The following NRIP1 variants were observed in gnomAD, a reference collection of about 807,000 sequenced individuals.
NRIP1 encodes nuclear receptor-interacting protein 1.
A neutral mutation model predicts 75.0 loss-of-function variants in NRIP1; 28 were observed. The observed-to-expected ratio is 0.37, with a 90% CI of 0.28 to 0.51. NRIP1 has a LOEUF of 0.51. Ranked by LOEUF, NRIP1 falls within the 20% of genes least tolerant of loss-of-function variation. NRIP1 has a pLI of 0.92. For missense variants in NRIP1, 1,435 were observed against 1,343.7 expected (o/e 1.07, Z -1.06); for synonymous variants, 526 against 487.6 (o/e 1.08, Z -1.04).
At chr21:15,013,711 G>T (rs772942602) in intron 3 of NRIP1, among the ~76,000 whole-genome samples, 1 of 152,130 alleles carries the variant, frequency 6.6e-6, no homozygotes, top group Non-Finnish European at 1.5e-5. Flanking sequence ...CTTGCTCATC[G>T]TCTTTTTTGT....
chr21:15,010,212 C>T (rs1474378281), intron 3 of NRIP1, among the ~76,000 whole-genome samples: 1 of 152,070 alleles, frequency 6.6e-6, no homozygotes, highest in African/African-American at 2.4e-5. Flanking sequence ...AAACCACAGG[C>T]CACATGGTTG....
chr21:15,017,660 G>A (rs1414127528), intron 2 of NRIP1, among the ~76,000 whole-genome samples: 3 of 152,098 alleles, frequency 2.0e-5, no homozygotes, highest in African/African-American at 4.8e-5. Context: ...CCAGTATTTT[G>A]GAAAAAGACA....
chr21:15,061,930 C>T (rs2089431799), intron 1 of NRIP1, among the ~76,000 whole-genome samples: 1 of 152,188 alleles, frequency 6.6e-6, no homozygotes, highest in African/African-American at 2.4e-5. Context: ...CTTATTTGTT[C>T]CATTAGATTG....
intron 3 of NRIP1, among the ~76,000 whole-genome samples, chr21:14,991,954 CT>C (rs1035387559): frequency 2.0e-5 from 3 of 152,014 alleles, no homozygotes; most frequent in Admixed American, 6.6e-5. Flanking sequence ...TTCCTTTCAT[CT>C]TTTTTTTCCT....
At chr21:15,034,242 C>G (rs2088779114) in intron 2 of NRIP1, among the ~76,000 whole-genome samples, 1 of 152,192 alleles carries the variant, frequency 6.6e-6, no homozygotes, top group African/African-American at 2.4e-5. Context: ...AGAACTGGCA[C>G]TGAGCCTTTT....
Position 15,022,950 on chromosome 21 carries a change from G to A in NRIP1, c.-457-8484C>T, listed in dbSNP as rs187439055. On this transcript the variant is annotated intron_variant, in intron 2 of 3. Transcript: ENST00000318948. ...CTACAACATAGTCAAACTTTATTAC[G>A]CTCAGTGAAAGAAGCCAATCACTAA... Among the ~76,000 whole-genome samples the A allele has an allele frequency of 1.3e-3, 205 of 152,260 alleles. 1 individual carries two copies. Among genetic ancestry groups the A allele is most frequent in the African/African-American group, 4.7e-3 (196 of 41,540 alleles).
At chr21:14,972,385 G>C (rs1316301363) in intron 3 of NRIP1, among the ~76,000 whole-genome samples, 2 of 152,100 alleles carry the variant, frequency 1.3e-5, no homozygotes, top group Non-Finnish European at 2.9e-5. Flanking sequence ...AGCTTGTTGG[G>C]ACCTATGGAT....
At position 14,967,143 on chromosome 21, in the gene NRIP1, C is replaced by G; in HGVS notation, c.1050G>C (p.Met350Ile). ...KSSATVFQNP[M>I]GIIPSSPKNA... The stretch of plus-strand genomic sequence containing the variant: ...TTTTAGGGGAAGAAGGAATGATACC[C>G]ATTGGATTTTGAAACACTGTAGCAC... The change falls in exon 4 of 4, where the codon ATG (methionine) becomes ATC (isoleucine). Residue 350 changes from methionine (M) to isoleucine (I), a missense_variant. Coordinates refer to ENST00000318948, the MANE Select transcript of NRIP1 (RefSeq NM_003489.4). 2 of 1,614,050 alleles carry G rather than the reference C, an allele frequency of 1.2e-6. No individual in the cohort carries two copies. The highest frequency in any genetic ancestry group is 2.2e-5 in the East Asian group (1 of 44,872).
intron 1 of NRIP1, 133 bp downstream of exon 1, chr21:15,064,612 G>C (rs915543496): frequency 6.6e-6 from 1 of 151,824 alleles, no homozygotes; most frequent in Non-Finnish European, 1.5e-5. Flanking sequence ...CCGGAAACGC[G>C]CCCTCCCCGC....
rs1219241938 is a variant in NRIP1 at position 14,967,631 on chromosome 21, A to C, written c.562T>G (p.Leu188Val). The change falls in exon 4 of 4, where the codon TTG becomes GTG. Residue 188 changes from leucine (L) to valine (V), a missense_variant. By Grantham distance (32) the Leu-to-Val change is conservative. Transcript: ENST00000318948. ...TCTTTAACTTTACTTTTCTTCAACA[A>C]AGTTTTTAAGTGACTTGATGCAACA... ...YGVASSHLKT[L>V]LKKSKVKDQK... 3 of 1,613,608 alleles carry C rather than the reference A, an allele frequency of 1.9e-6. No homozygotes were observed. The highest frequency in any genetic ancestry group is 1.7e-6 in the Non-Finnish European group (2 of 1,179,912).
chr21:14,977,914 C>A (rs1248951808), intron 3 of NRIP1, among the ~76,000 whole-genome samples: 1 of 152,222 alleles, frequency 6.6e-6, no homozygotes. Flanking sequence ...TTCTTGCTCT[C>A]TCCCAGGGGT....
At chr21:15,057,433 C>T (rs1228993629) in intron 1 of NRIP1, among the ~76,000 whole-genome samples, 2 of 152,200 alleles carry the variant, frequency 1.3e-5, no homozygotes, top group African/African-American at 2.4e-5. Flanking sequence ...AGAGCCTGTG[C>T]GGCAGCCCTT....
At chr21:15,030,652 C>T (rs2088622401) in intron 2 of NRIP1, among the ~76,000 whole-genome samples, 1 of 152,136 alleles carries the variant, frequency 6.6e-6, no homozygotes, top group South Asian at 2.1e-4. Flanking sequence ...CCAATGACTA[C>T]ATATTTAACA....
In NRIP1 at chr21:14,967,520, T is replaced by G; in HGVS notation, c.673A>C (p.Ser225Arg). 6.2e-7 allele frequency: 1 copy of G among 1,614,180 alleles called. No individual in the cohort carries two copies. Among genetic ancestry groups the G allele is most frequent in the Non-Finnish European group, 8.5e-7 (1 of 1,180,020 alleles). Residue 225 changes from serine to arginine, a missense_variant, in exon 4 of 4, where the codon AGT becomes CGT. Physicochemically the swap from Ser to Arg is moderately radical, Grantham distance 110 (BLOSUM62 -1). Coordinates refer to ENST00000318948, the MANE Select transcript of NRIP1 (RefSeq NM_003489.4). ...GGTTCACTCATGACCTTTGTTCCACTTTGTCCAACATGATGAGGAGACTCT... is the reference window on the plus strand; with the variant it reads ...GGTTCACTCATGACCTTTGTTCCACGTTGTCCAACATGATGAGGAGACTCT... ...FAESPHHVGQ[S>R]GTKVMSEPLS...
At chr21:14,980,567 G>C (rs1301331892) in intron 3 of NRIP1, among the ~76,000 whole-genome samples, 1 of 137,334 alleles carries the variant, frequency 7.3e-6, no homozygotes, top group Admixed American at 7.0e-5. Context: ...GTTTAAACAA[G>C]ATGTTAAATT....
chr21:15,065,219 C>G (rs1033250095), upstream of NRIP1, among the ~76,000 whole-genome samples: 5 of 152,132 alleles, frequency 3.3e-5, no homozygotes, highest in Admixed American at 1.3e-4. Flanking sequence ...GCGGAACCCC[C>G]TCTGTTTCGT....
At chr21:15,065,448 G>A (rs531714410), upstream of NRIP1, among the ~76,000 whole-genome samples, 28 of 152,234 alleles carry the variant, frequency 1.8e-4, no homozygotes, top group African/African-American at 6.7e-4. Flanking sequence ...GAATGCTCCC[G>A]TTTGGGCACA....
intron 2 of NRIP1, among the ~76,000 whole-genome samples, chr21:15,022,830 C>T (rs1568986990): frequency 2.0e-5 from 3 of 152,164 alleles, no homozygotes; most frequent in African/African-American, 7.2e-5. Context: ...GAAATAAAAA[C>T]CTGATGTCCA....
chr21:14,979,423 C>T (rs2087168264), intron 3 of NRIP1, among the ~76,000 whole-genome samples: 1 of 152,136 alleles, frequency 6.6e-6, no homozygotes, highest in African/African-American at 2.4e-5. Context: ...ATAGATTTGA[C>T]ATACAGACAC....
Sources: allele counts gnomAD v4.1 joint callset (sites outside exome capture counted in the v4.1 genomes callset), GRCh38; gene constraint gnomAD v4.1.1; transcripts MANE v1.5; gene names NCBI Gene and HGNC (gene_info 2026-07-23, HGNC 2026-07-21).